XXYLT1: variants seen among roughly 807,000 people sequenced by gnomAD.
XXYLT1 encodes the protein UDP-xylose:alpha-xyloside alpha-1,3-xylosyltransferase.
In XXYLT1, 20 loss-of-function variants were observed where a neutral mutation model predicts 28.9. The observed-to-expected ratio is 0.69, with a 90% CI of 0.49 to 1.00. XXYLT1 has a LOEUF of 1.00. Ranked by LOEUF, XXYLT1 falls within the 50% of genes least tolerant of loss-of-function variation. The pLI is 0.00. For synonymous variants in XXYLT1, 257 were observed against 253.8 expected (o/e 1.01, Z -0.12); for missense variants, 542 against 560.1 (o/e 0.97, Z 0.33).
chr3:195,212,706 T>C (rs1265274438), intron 2 of XXYLT1, among the ~76,000 whole-genome samples: 1 of 152,296 alleles, frequency 6.6e-6, no homozygotes, highest in African/African-American at 2.4e-5. Context: ...TGCCTGATGA[T>C]CTGAGGTGGA....
chr3:195,235,942 AG>A (rs1724522356), intron 1 of XXYLT1, among the ~76,000 whole-genome samples: 1 of 149,426 alleles, frequency 6.7e-6, no homozygotes, highest in Non-Finnish European at 1.5e-5. Context: ...ACATAGACAT[AG>A]ACATAGACAT....
At chr3:195,169,837 ATGTGTG>A (rs1368856092) in intron 2 of XXYLT1, among the ~76,000 whole-genome samples, 2 of 149,824 alleles carry the variant, frequency 1.3e-5, no homozygotes, top group African/African-American at 4.9e-5. Flanking sequence ...ATGTATATTA[ATGTGTG>A]TGTGTGTACA....
chr3:195,103,382 ACCCCACGCCAGCGG>A, intron 3 of XXYLT1, among the ~76,000 whole-genome samples: 1 of 147,778 alleles, frequency 6.8e-6, no homozygotes, highest in African/African-American at 2.5e-5. Context: ...TGCGTCCATC[ACCCCACGCCAGCGG>A]CCTGCGTCCA....
At chr3:195,138,858 A>G (rs1185579102) in intron 3 of XXYLT1, among the ~76,000 whole-genome samples, 5 of 63,260 alleles carry the variant, frequency 7.9e-5, no homozygotes, top group Admixed American at 1.6e-4. Flanking sequence ...CTGCCTCAGG[A>G]AAAAAAAAAA....
chr3:195,131,158 C>T (rs1158758992), intron 3 of XXYLT1, among the ~76,000 whole-genome samples: 2 of 152,246 alleles, frequency 1.3e-5, no homozygotes, highest in Non-Finnish European at 2.9e-5. Flanking sequence ...AGGAAGCAGC[C>T]TCGCTTTGTC....
chr3:195,152,209 A>G (rs1238130228), intron 3 of XXYLT1: 3 of 152,662 alleles, frequency 2.0e-5, no homozygotes, highest in Non-Finnish European at 2.9e-5. Flanking sequence ...ATGAGGAAAC[A>G]AATTCAAAAT....
At chr3:195,186,943 A>G (rs973104808) in intron 2 of XXYLT1, among the ~76,000 whole-genome samples, 2 of 149,574 alleles carry the variant, frequency 1.3e-5, no homozygotes, top group African/African-American at 2.5e-5. Flanking sequence ...CACCCAGGCT[A>G]GAGTGCAGTG....
intron 3 of XXYLT1, among the ~76,000 whole-genome samples, chr3:195,119,310 A>G (rs1049533730): frequency 6.6e-6 from 1 of 151,304 alleles, no homozygotes; most frequent in African/African-American, 2.4e-5. Context: ...AAAAAAGGAA[A>G]TAACATATAT....
At chr3:195,091,082 G>A (rs1441837923) in intron 3 of XXYLT1, among the ~76,000 whole-genome samples, 2 of 147,586 alleles carry the variant, frequency 1.4e-5, no homozygotes, top group Non-Finnish European at 3.0e-5. Flanking sequence ...ATTCACAGCC[G>A]AATTCTACCA....
Position 195,111,528 on chromosome 3 carries a change from G to A in XXYLT1, c.786-41417C>T, listed in dbSNP as rs150147868. ...TGTGTATCTCTCTGGCTAGGATGGC[G>A]CTCCAGGGGCAGGTGTCTGATGGTG... On this transcript the variant is annotated intron_variant, in intron 3 of 3. Coordinates refer to ENST00000310380, the MANE Select transcript of XXYLT1 (RefSeq NM_152531.5). Among the ~76,000 whole-genome samples the A allele has an allele frequency of 1.5e-3, 222 of 152,174 alleles. 1 individual carries two copies. Among genetic ancestry groups the A allele is most frequent in the Admixed American group, 4.6e-3 (70 of 15,278 alleles).
chr3:195,258,480 C>A (rs1725561173), intron 1 of XXYLT1, among the ~76,000 whole-genome samples: 3 of 152,166 alleles, frequency 2.0e-5, no homozygotes, highest in South Asian at 2.1e-4. Flanking sequence ...TAATTGTGCA[C>A]CATTTACTAT....
chr3:195,248,780 T>C (rs1485539008), intron 1 of XXYLT1, among the ~76,000 whole-genome samples: 1 of 151,856 alleles, frequency 6.6e-6, no homozygotes, highest in Non-Finnish European at 1.5e-5. Flanking sequence ...ATTAGCTGAG[T>C]GTGGTGGCAG....
At chr3:195,212,182 C>T (rs978714494) in intron 2 of XXYLT1, among the ~76,000 whole-genome samples, 10 of 152,154 alleles carry the variant, frequency 6.6e-5, no homozygotes, top group East Asian at 1.9e-4. Flanking sequence ...GGAATGCCAC[C>T]GGGAGAGTGG....
chr3:195,198,567 C>T (rs541192038), intron 2 of XXYLT1, among the ~76,000 whole-genome samples: 3 of 152,304 alleles, frequency 2.0e-5, no homozygotes, highest in African/African-American at 7.2e-5. Context: ...TTACATGGTA[C>T]TTATCCCGTG....
At position 195,088,168 on chromosome 3, in the gene XXYLT1, T is replaced by A. The variant is rs973695483; in HGVS notation, c.786-18057A>T. 2.0e-5 allele frequency among the ~76,000 whole-genome samples: 3 copies of A among 151,730 alleles called. No homozygotes were observed. The East Asian group carries it at 5.9e-4, about 30-fold the overall frequency. ...AACAAAGCAGCCGGGAAGCTCGAAC[T>A]GGGTGGAGCCCACCACAGCTCAAGG... On this transcript the variant is annotated intron_variant, in intron 3 of 3. Transcript: ENST00000310380.
rs945892086 is a variant in XXYLT1 at position 195,257,511 on chromosome 3, G to C, written c.504+13044C>G. Among the ~76,000 whole-genome samples the C allele has an allele frequency of 6.6e-6, 1 of 152,168 alleles. No individual in the cohort carries two copies. Among genetic ancestry groups the C allele is most frequent in the Non-Finnish European group, 1.5e-5 (1 of 68,032 alleles). On this transcript the variant is annotated intron_variant, in intron 1 of 3. Transcript: ENST00000310380. The surrounding 1 kb of genome is among the most constrained non-coding windows in gnomAD (Gnocchi z 4.3). ...TGAAGATGGGAGGAATGGGTGATCC[G>C]GGGAAGAAGCCCCTGAGCAAAGTCC...
intron 3 of XXYLT1, chr3:195,094,171 G>A (rs923398693): frequency 6.6e-6 from 1 of 152,478 alleles, no homozygotes; most frequent in African/African-American, 2.4e-5. Context: ...AGAAACGCTG[G>A]CTGTGGACGC....
At chr3:195,206,136 G>A (rs1015662965) in intron 2 of XXYLT1, among the ~76,000 whole-genome samples, 5 of 148,280 alleles carry the variant, frequency 3.4e-5, no homozygotes, top group African/African-American at 1.2e-4. Flanking sequence ...ACCATTCTCC[G>A]AGTAGCTGGG....
chr3:195,108,172 G>GC (rs1717257493), intron 3 of XXYLT1, among the ~76,000 whole-genome samples: 1 of 152,184 alleles, frequency 6.6e-6, no homozygotes, highest in Admixed American at 6.5e-5. Flanking sequence ...TCTGGGCCTG[G>GC]CCTGCAATGT....
Sources: allele counts gnomAD v4.1 joint callset (sites outside exome capture counted in the v4.1 genomes callset), GRCh38; gene constraint gnomAD v4.1.1; non-coding constraint Gnocchi (gnomAD v3.1); transcripts MANE v1.5; gene names NCBI Gene and HGNC (gene_info 2026-07-23, HGNC 2026-07-21).